COLQ: variants seen among roughly 807,000 people sequenced by gnomAD.
The protein encoded by COLQ is collagen like tail subunit of asymmetric acetylcholinesterase.
A neutral mutation model predicts 69.0 loss-of-function variants in COLQ; 48 were observed. The ratio of observed to expected loss-of-function variants is 0.70; its 90% CI spans 0.55 to 0.88. The LOEUF is 0.88. Among genes scored for constraint, COLQ ranks in the 40% least tolerant of loss-of-function variants. The probability of loss-of-function intolerance (pLI) is 0.00; values close to 1 mark genes in which losing one functional copy is unlikely to be tolerated. For synonymous variants in COLQ, 217 were observed against 211.2 expected, an observed-to-expected ratio of 1.03 and a Z score of -0.24; for missense variants, 618 against 594.6, an observed-to-expected ratio of 1.04 and a Z score of -0.41.
chr3:15,484,809 C>T (rs181280690), intron 3 of COLQ, among the ~76,000 whole-genome samples: 168 of 152,270 alleles, frequency 1.1e-3, no homozygotes, highest in Non-Finnish European at 1.8e-3. Flanking sequence ...TTCTAGTTAG[C>T]CATTCATCTA....
chr3:15,511,662 G>A (rs2062987188), intron 1 of COLQ, among the ~76,000 whole-genome samples: 1 of 152,204 alleles, frequency 6.6e-6, no homozygotes, highest in Non-Finnish European at 1.5e-5. Flanking sequence ...CTCTCGAGAA[G>A]ATCGACAGAA....
chr3:15,515,531 C>A (rs1362607356), intron 1 of COLQ, among the ~76,000 whole-genome samples: 1 of 152,168 alleles, frequency 6.6e-6, no homozygotes, highest in Non-Finnish European at 1.5e-5. Flanking sequence ...AGATGGGGAC[C>A]AGGGGCAGTG....
chr3:15,466,338 T>C lies in COLQ; in HGVS notation c.814+3A>G. On this transcript the variant is annotated splice_donor_region_variant and intron_variant, in intron 12 of 16. Coordinates refer to ENST00000383788, the MANE Select transcript of COLQ (RefSeq NM_005677.4). ...GGATCAAGTGAAGCAGTGTAGCTCT[T>C]ACCTGCAGGTGGGGGGCCTGGGGGC... 6.2e-7 allele frequency: 1 copy of C among 1,609,456 alleles called. No homozygotes were observed. The highest frequency in any genetic ancestry group is 8.5e-7 in the Non-Finnish European group (1 of 1,175,846).
chr3:15,497,482 A>G (rs2062762457), intron 1 of COLQ, among the ~76,000 whole-genome samples: 1 of 152,124 alleles, frequency 6.6e-6, no homozygotes, highest in South Asian at 2.1e-4. Flanking sequence ...TTTTCCATCA[A>G]GTAGCCTTCC....
At chr3:15,516,664 T>C (rs2063067450) in intron 1 of COLQ, among the ~76,000 whole-genome samples, 1 of 152,212 alleles carries the variant, frequency 6.6e-6, no homozygotes, top group Admixed American at 6.5e-5. Context: ...CCAAACACCC[T>C]GGTTGACACC....
At chr3:15,458,400 C>A in intron 12 of COLQ, 75 bp from the exon 13 acceptor site, 1 of 1,553,680 alleles carries the variant, frequency 6.4e-7, no homozygotes, top group African/African-American at 1.4e-5. Context: ...TGTGAGCGAC[C>A]TTTGCAACAG....
chr3:15,473,954 T>G lies in COLQ; in HGVS notation c.636+46A>C. On this transcript the variant is annotated intron_variant, in intron 10 of 16. Coordinates refer to ENST00000383788, the MANE Select transcript of COLQ (RefSeq NM_005677.4). The surrounding 1 kb of genome is among the most constrained non-coding windows in gnomAD (Gnocchi z 4.0). ...TTCTTTTTGTTGTGCTTGGAGGACC[T>G]GATATTTTTATTGAGGCCTATTTTC... 6.2e-7 allele frequency: 1 copy of G among 1,601,246 alleles called. No individual in the cohort carries two copies. Among genetic ancestry groups the G allele is most frequent in the Non-Finnish European group, 8.6e-7 (1 of 1,168,648 alleles).
intron 1 of COLQ, among the ~76,000 whole-genome samples, chr3:15,501,377 G>T (rs1331968241): frequency 6.6e-6 from 1 of 152,180 alleles, no homozygotes; most frequent in Non-Finnish European, 1.5e-5. Flanking sequence ...TGCTCCTGCT[G>T]TGTCTCCCAC....
chr3:15,471,481 G>A (rs1029002700), intron 10 of COLQ, among the ~76,000 whole-genome samples: 2 of 152,164 alleles, frequency 1.3e-5, no homozygotes, highest in South Asian at 2.1e-4. Flanking sequence ...CCCACAGGGC[G>A]CTTCATTCCT....
chr3:15,455,657 C>A (rs758875590), intron 15 of COLQ, among the ~76,000 whole-genome samples: 7 of 152,200 alleles, frequency 4.6e-5, no homozygotes, highest in Admixed American at 6.5e-5. Flanking sequence ...TAAAGAAGGC[C>A]TAACTGGGGG....
At chr3:15,508,460 A>C (rs13100619) in intron 1 of COLQ, among the ~76,000 whole-genome samples, 5,785 of 152,294 alleles carry the variant, frequency 0.038, 159 homozygotes, top group Non-Finnish European at 0.055. Flanking sequence ...TTGCTCTCAC[A>C]CAAACTCCAA....
chr3:15,462,068 G>A (rs35017093), intron 12 of COLQ, among the ~76,000 whole-genome samples: 71,615 of 151,406 alleles, frequency 0.47, 17,178 homozygotes, highest in East Asian at 0.59. Flanking sequence ...TTACTCTGTC[G>A]CCCAGGCGGG....
At chr3:15,461,091 C>A (rs80109503) in intron 12 of COLQ, among the ~76,000 whole-genome samples, 1 of 152,134 alleles carries the variant, frequency 6.6e-6, no homozygotes, top group Non-Finnish European at 1.5e-5. Flanking sequence ...CCAGGTACCA[C>A]GTTGATTCAC....
At chr3:15,468,944 G>C (rs1035559923) in intron 11 of COLQ, among the ~76,000 whole-genome samples, 1 of 152,142 alleles carries the variant, frequency 6.6e-6, no homozygotes, top group Non-Finnish European at 1.5e-5. Context: ...GCTTTGGATT[G>C]ACTTAACAAT....
Position 15,474,003 on chromosome 3 carries a change from C to G in COLQ, c.633G>C (p.Gln211His). 2 of 1,614,170 alleles carry G rather than the reference C, an allele frequency of 1.2e-6. No homozygotes were observed. Among genetic ancestry groups the G allele is most frequent in the Non-Finnish European group, 1.7e-6 (2 of 1,180,010 alleles). ...TCACTACCTCAAGGTTACTTACTTT[C>G]TGCCCCAACATTCCAGGAAATCCTG... ...GFPGFPGMLG[Q>H]KGEMGPKGEP... The change falls in exon 10 of 17, where the codon CAG (glutamine) becomes CAC (histidine). Residue 211 changes from glutamine to histidine, a missense_variant. Gln to His is a conservative substitution (Grantham distance 24, BLOSUM62 0). Coordinates refer to ENST00000383788, the MANE Select transcript of COLQ (RefSeq NM_005677.4).
At chr3:15,457,772 C>G (rs2062046415) in intron 13 of COLQ, among the ~76,000 whole-genome samples, 2 of 152,022 alleles carry the variant, frequency 1.3e-5, no homozygotes, top group Non-Finnish European at 2.9e-5. Context: ...ACCACCGCGC[C>G]CGGCTAATTT....
At chr3:15,494,359 G>A (rs931479406) in intron 1 of COLQ, among the ~76,000 whole-genome samples, 8 of 152,160 alleles carry the variant, frequency 5.3e-5, no homozygotes, top group African/African-American at 1.9e-4. Context: ...GGGCCAACAT[G>A]TTGCAGGAGG....
At chr3:15,476,462 G>C (rs1482017602) in intron 6 of COLQ, among the ~76,000 whole-genome samples, 1 of 152,186 alleles carries the variant, frequency 6.6e-6, no homozygotes, top group African/African-American at 2.4e-5. Flanking sequence ...ATATCCTTTT[G>C]GGACTTTTCC....
chr3:15,484,738 A>G (rs113956681), intron 3 of COLQ, among the ~76,000 whole-genome samples: 111 of 152,314 alleles, frequency 7.3e-4, no homozygotes, highest in African/African-American at 2.5e-3. Flanking sequence ...TGTGTTGTGT[A>G]GTTCTCGTGC....
Sources: gnomAD v4.1 joint callset for allele counts (sites outside exome capture counted in the v4.1 genomes callset) on GRCh38, gnomAD v4.1.1 for gene constraint, Gnocchi (gnomAD v3.1) non-coding constraint, MANE v1.5 for transcripts, NCBI Gene and HGNC (gene_info 2026-07-23, HGNC 2026-07-21) for gene names.